Variants in SLC25A26 observed in about 807,000 individuals in gnomAD.
SLC25A26 encodes solute carrier family 25 member 26.
Under a neutral mutation model 37.8 loss-of-function variants are expected in SLC25A26, and 36 were observed. That is an observed-to-expected ratio of 0.95 (90% CI 0.73 to 1.26). SLC25A26 has a LOEUF of 1.26. Among genes scored for constraint, SLC25A26 ranks in the 50% most tolerant of loss-of-function variants. The probability of loss-of-function intolerance (pLI) is 0.00; values close to 1 mark genes in which losing one functional copy is unlikely to be tolerated. For synonymous variants in SLC25A26, 129 were observed against 122.5 expected (o/e 1.05, Z -0.35); for missense variants, 390 against 331.1 (o/e 1.18, Z -1.38).
chr3:66,139,391 C>T (rs371754681), intron 1 of SLC25A26, among the ~76,000 whole-genome samples: 1 of 152,116 alleles, frequency 6.6e-6, no homozygotes, highest in African/African-American at 2.4e-5. Flanking sequence ...AACAATGCCT[C>T]CAATAAAAAG....
At chr3:66,192,343 A>G (rs2070961574) in intron 1 of SLC25A26, among the ~76,000 whole-genome samples, 1 of 149,310 alleles carries the variant, frequency 6.7e-6, no homozygotes, top group African/African-American at 2.5e-5. Flanking sequence ...AAAGAGAGAG[A>G]AATTGCAGAA....
At chr3:66,238,042 T>C (rs1440960549) in intron 2 of SLC25A26, among the ~76,000 whole-genome samples, 1 of 152,220 alleles carries the variant, frequency 6.6e-6, no homozygotes, top group Non-Finnish European at 1.5e-5. Context: ...TTTTTGTGTA[T>C]GTTAATACTC....
At chr3:66,297,211 C>T (rs189189035) in intron 5 of SLC25A26, among the ~76,000 whole-genome samples, 119 of 151,746 alleles carry the variant, frequency 7.8e-4, no homozygotes, top group Non-Finnish European at 1.6e-3. Context: ...GCCTGTAATC[C>T]CAGCTATTCG....
intron 6 of SLC25A26, among the ~76,000 whole-genome samples, chr3:66,353,462 A>G (rs1404983844): frequency 1.3e-5 from 2 of 152,208 alleles, no homozygotes; most frequent in African/African-American, 2.4e-5. Flanking sequence ...ATTTGAACTC[A>G]GGTTCAGATC....
intron 5 of SLC25A26, among the ~76,000 whole-genome samples, chr3:66,334,390 G>T (rs1476451126): frequency 6.6e-6 from 1 of 152,090 alleles, no homozygotes; most frequent in Non-Finnish European, 1.5e-5. Context: ...TCTCGGCTCA[G>T]TGCAGCCTCC....
chr3:66,323,837 TAAAG>T (rs561365005), intron 5 of SLC25A26: 66 of 152,132 alleles, frequency 4.3e-4, no homozygotes, highest in African/African-American at 1.5e-3. Context: ...TCAGTTAAAA[TAAAG>T]ATAGTTTTGA....
chr3:66,212,486 A>G lies in SLC25A26; in HGVS notation c.-353-8256A>G, dbSNP rs920597331. ...TTCATAATCAGTATATATGTATAGGAAAAAAACCTAGTATACATAGGGTTC... is the reference window on the plus strand; with the variant it reads ...TTCATAATCAGTATATATGTATAGGGAAAAAACCTAGTATACATAGGGTTC... On this transcript the variant is annotated intron_variant, in intron 1 of 10. Transcript: ENST00000676754. Among the ~76,000 whole-genome samples, 3 of 152,180 alleles carry G rather than the reference A, an allele frequency of 2.0e-5. No homozygotes were observed. The East Asian group carries it at 5.8e-4, about 29-fold the overall frequency.
At chr3:66,345,598 TTCTC>T (rs1428449885) in intron 5 of SLC25A26, among the ~76,000 whole-genome samples, 1 of 151,120 alleles carries the variant, frequency 6.6e-6, no homozygotes, top group Non-Finnish European at 1.5e-5. Context: ...TTCCACTCCT[TTCTC>T]TCTCCCCTTC....
intron 1 of SLC25A26, among the ~76,000 whole-genome samples, chr3:66,226,100 CTGTATTAGT>C (rs2071736800): frequency 6.6e-6 from 1 of 152,156 alleles, no homozygotes; most frequent in Admixed American, 6.5e-5. Flanking sequence ...TACCAATTTC[CTGTATTAGT>C]CTGTTCTCAC....
At chr3:66,209,620 A>G (rs1247720259) in intron 1 of SLC25A26, among the ~76,000 whole-genome samples, 3 of 93,104 alleles carry the variant, frequency 3.2e-5, no homozygotes, top group South Asian at 6.0e-4. Flanking sequence ...ATACACACCT[A>G]TATATCTATT....
At chr3:66,269,730 T>C (rs1207192048) in intron 5 of SLC25A26, among the ~76,000 whole-genome samples, 1 of 152,116 alleles carries the variant, frequency 6.6e-6, no homozygotes, top group Non-Finnish European at 1.5e-5. Context: ...AGAAAAAAAA[T>C]AGTCCTAGCT....
At chr3:66,374,595 A>G (rs534484348) in intron 9 of SLC25A26, among the ~76,000 whole-genome samples, 6 of 152,348 alleles carry the variant, frequency 3.9e-5, no homozygotes, top group Non-Finnish European at 8.8e-5. Context: ...TTTTAAATAA[A>G]AAACTCGGGC....
chr3:66,319,468 G>C (rs1177037727), intron 5 of SLC25A26, among the ~76,000 whole-genome samples: 1 of 151,826 alleles, frequency 6.6e-6, no homozygotes, highest in Non-Finnish European at 1.5e-5. Flanking sequence ...TATGACTGGG[G>C]GAAACAAAAT....
chr3:66,296,333 A>G (rs1420001705), intron 5 of SLC25A26, among the ~76,000 whole-genome samples: 1 of 152,222 alleles, frequency 6.6e-6, no homozygotes, highest in Non-Finnish European at 1.5e-5. Flanking sequence ...TTTTCCATGC[A>G]TGGTTTAGAG....
At chr3:66,147,411 C>T (rs2070136308) in intron 1 of SLC25A26, among the ~76,000 whole-genome samples, 1 of 151,866 alleles carries the variant, frequency 6.6e-6, no homozygotes, top group African/African-American at 2.4e-5. Context: ...GATCCACTCA[C>T]CTCAGCCTCC....
At chr3:66,270,899 T>C (rs144255774) in intron 5 of SLC25A26, among the ~76,000 whole-genome samples, 5 of 152,348 alleles carry the variant, frequency 3.3e-5, no homozygotes, top group African/African-American at 1.2e-4. Flanking sequence ...TTTACTTTTT[T>C]CATTCCTTGG....
intron 5 of SLC25A26, among the ~76,000 whole-genome samples, chr3:66,337,782 T>C (rs1308137932): frequency 6.6e-6 from 1 of 152,034 alleles, no homozygotes; most frequent in African/African-American, 2.4e-5. Context: ...GTTTATAATA[T>C]AATGAACCAT....
At chr3:66,309,745 CT>C (rs1297750185) in intron 5 of SLC25A26, among the ~76,000 whole-genome samples, 2 of 152,082 alleles carry the variant, frequency 1.3e-5, no homozygotes, top group Non-Finnish European at 2.9e-5. Context: ...TTGTTTCTGC[CT>C]TAATTTCGTT....
At chr3:66,309,540 C>T (rs1157896154) in intron 5 of SLC25A26, among the ~76,000 whole-genome samples, 1 of 152,002 alleles carries the variant, frequency 6.6e-6, no homozygotes, top group East Asian at 1.9e-4. Context: ...TTCTTGTCTT[C>T]TGCTAGCTTT....
Sources: allele counts gnomAD v4.1 joint callset (sites outside exome capture counted in the v4.1 genomes callset), GRCh38; gene constraint gnomAD v4.1.1; transcripts MANE v1.5; gene names NCBI Gene and HGNC (gene_info 2026-07-23, HGNC 2026-07-21).